The following TFCP2 variants were observed in gnomAD, a reference collection of about 807,000 sequenced individuals.
TFCP2 encodes the protein transcription factor CP2, also known as alpha-globin transcription factor CP2.
TFCP2 carries 33 observed loss-of-function variants against 73.4 expected under a neutral mutation model. That is an observed-to-expected ratio of 0.45 (90% CI 0.34 to 0.60). The LOEUF (loss-of-function observed/expected upper bound fraction) is 0.60. Ranked by LOEUF, TFCP2 falls within the 20% of genes least tolerant of loss-of-function variation. The pLI, the probability that TFCP2 is intolerant of heterozygous loss-of-function variation, is 0.01. For synonymous variants in TFCP2, 193 were observed against 211.6 expected, an observed-to-expected ratio of 0.91 and a Z score of 0.76; for missense variants, 352 against 604.0, an observed-to-expected ratio of 0.58 and a Z score of 4.37.
At chr12:51,114,584 G>A (rs1234693162) in intron 4 of TFCP2, among the ~76,000 whole-genome samples, 3 of 151,094 alleles carry the variant, frequency 2.0e-5, no homozygotes, top group Non-Finnish European at 3.0e-5. Context: ...CAGCCTGGGC[G>A]ACAGAGGGAG....
Position 51,104,158 on chromosome 12 carries a change from T to G in TFCP2, c.963A>C (p.Thr321=), listed in dbSNP as rs758826942. ...TGACATTCAACTTTAGACTTACATC[T>G]GTGACTGGAGGGGGTGGCTCTGGCT... ...NHQPEPPPPV[T]DNLLPTTTPQ... is the part of the protein sequence containing the mutation. Residue 321 remains threonine, a synonymous_variant, in exon 9 of 15, where the codon ACA becomes ACC. Coordinates refer to ENST00000257915, the MANE Select transcript of TFCP2 (RefSeq NM_005653.5). 5 of 1,613,956 alleles carry G rather than the reference T, an allele frequency of 3.1e-6. No individual in the cohort carries two copies. In the East Asian group the frequency reaches 1.1e-4, roughly 36 times the overall value.
Position 51,148,294 on chromosome 12 carries a change from A to G in TFCP2, c.122+24007T>C, listed in dbSNP as rs1040282913. Among the ~76,000 whole-genome samples the G allele has an allele frequency of 2.6e-5, 4 of 152,230 alleles. No individual in the cohort carries two copies. The East Asian group carries it at 7.7e-4, about 29-fold the overall frequency. ...CAATCCCACTGCTGGGTATCTACCCAGAGGAAAAGAAGTCATTATATGAAA... is the reference window on the plus strand; with the variant it reads ...CAATCCCACTGCTGGGTATCTACCCGGAGGAAAAGAAGTCATTATATGAAA... On this transcript the variant is annotated intron_variant, in intron 1 of 14. Coordinates refer to ENST00000257915, the MANE Select transcript of TFCP2 (RefSeq NM_005653.5).
intron 13 of TFCP2, 36 bp downstream of exon 13, chr12:51,098,740 C>T: frequency 6.2e-7 from 1 of 1,611,418 alleles, no homozygotes; most frequent in Non-Finnish European, 8.5e-7. Flanking sequence ...ACAAATTAAT[C>T]ATCATCTGGT....
At chr12:51,105,282 C>T (rs962011690) in intron 8 of TFCP2, among the ~76,000 whole-genome samples, 2 of 151,970 alleles carry the variant, frequency 1.3e-5, no homozygotes, top group East Asian at 1.9e-4. Flanking sequence ...TTAGTAGAGA[C>T]GGGGTTTCAC....
intron 3 of TFCP2, among the ~76,000 whole-genome samples, chr12:51,116,814 T>C (rs976964220): frequency 4.6e-5 from 7 of 152,048 alleles, no homozygotes; most frequent in African/African-American, 7.2e-5. Flanking sequence ...ACAGGGTTTC[T>C]CCATGTTGGT....
Position 51,094,182 on chromosome 12 carries a change from A to C in TFCP2, c.*1059T>G, listed in dbSNP as rs1939901979. The C allele has an allele frequency of 6.6e-6, 1 of 152,218 alleles. No individual in the cohort carries two copies. Among genetic ancestry groups the C allele is most frequent in the Non-Finnish European group, 1.5e-5 (1 of 68,036 alleles). 9.4% of individuals were successfully genotyped at this position (152,218 alleles called of 1,614,324 possible). On this transcript the variant is annotated 3_prime_UTR_variant, in exon 15 of 15. Coordinates refer to ENST00000257915, the MANE Select transcript of TFCP2 (RefSeq NM_005653.5). ...GCAGGGATGAGACTAACTCATTAAT[A>C]AATAGTTTGAGAATGTCATTCAAGA...
chr12:51,118,899 C>T, intron 1 of TFCP2, 127 bp from the exon 2 acceptor site: 3 of 1,077,926 alleles, frequency 2.8e-6, no homozygotes, highest in South Asian at 1.5e-5. Context: ...AGTTTCATCC[C>T]AAGAATTCCA....
intron 8 of TFCP2, among the ~76,000 whole-genome samples, chr12:51,105,857 CCTAA>C (rs1455678891): frequency 1.3e-5 from 2 of 152,140 alleles, no homozygotes; most frequent in African/African-American, 2.4e-5. Flanking sequence ...CATTTGGTAG[CCTAA>C]CTATTTCAAG....
chr12:51,159,446 C>A (rs1941605536), intron 1 of TFCP2, among the ~76,000 whole-genome samples: 1 of 151,818 alleles, frequency 6.6e-6, no homozygotes, highest in African/African-American at 2.4e-5. Context: ...TCAAGCGATT[C>A]TCATGCCTCA....
chr12:51,172,454 T>C lies in TFCP2; in HGVS notation c.-32A>G. 1.2e-6 allele frequency: 2 copies of C among 1,613,014 alleles called. No homozygotes were observed. The highest frequency in any genetic ancestry group is 1.7e-6 in the Non-Finnish European group (2 of 1,179,664). On this transcript the variant is annotated 5_prime_UTR_variant, in exon 1 of 15. Transcript: ENST00000257915. ...TCCTTCCTTGCCCCAGGAGACACCG[T>C]GTCTTGTACAAAGGCGCGGAGGGTA...
chr12:51,139,476 A>T (rs1941140305), intron 1 of TFCP2, among the ~76,000 whole-genome samples: 1 of 151,942 alleles, frequency 6.6e-6, no homozygotes, highest in African/African-American at 2.4e-5. Context: ...GGCCCAATCA[A>T]TCCACCCACC....
chr12:51,104,713 A>ATT (rs11308273), intron 8 of TFCP2, among the ~76,000 whole-genome samples: 4 of 140,702 alleles, frequency 2.8e-5, no homozygotes, highest in East Asian at 4.0e-4. Flanking sequence ...ATAAAAAACA[A>ATT]TTTTTTTTTT....
rs371398373 is a variant in TFCP2, at chr12:51,100,177, C to T, written c.1152-398G>A. On this transcript the variant is annotated intron_variant, in intron 11 of 14. Transcript: ENST00000257915. The stretch of plus-strand genomic sequence containing the variant: ...ACTCTATAGTCATTTGAGTTTGTGG[C>T]CTTTGGTGTAAAAGTTAGAAATAGT... Among the ~76,000 whole-genome samples the T allele has an allele frequency of 2.5e-4, 38 of 152,196 alleles. 2 individuals carry two copies. Among genetic ancestry groups the T allele is most frequent in the South Asian group, 2.1e-3 (10 of 4,824 alleles).
chr12:51,110,829 G>T (rs748218795), intron 5 of TFCP2, 48 bp downstream of exon 5: 2 of 1,270,572 alleles, frequency 1.6e-6, no homozygotes, highest in Admixed American at 1.7e-5. Flanking sequence ...TAAACTGATA[G>T]TAAGAGAGAT....
chr12:51,104,169 G>A lies in TFCP2; in HGVS notation c.952C>T (p.Pro318Ser). The change falls in exon 9 of 15, where the codon CCT becomes TCT. Residue 318 changes from proline (P) to serine (S), a missense_variant. By Grantham distance (74) the Pro-to-Ser change is moderately conservative. This residue lies in a region of TFCP2 where 194 missense variants were observed against 256.3 expected (regional missense o/e 0.76). Coordinates refer to ENST00000257915, the MANE Select transcript of TFCP2 (RefSeq NM_005653.5). Reference sequence around the variant, plus strand: ...TTTAGACTTACATCTGTGACTGGAGGGGGTGGCTCTGGCTGGTGGTTTGGT... The same window carrying A: ...TTTAGACTTACATCTGTGACTGGAGAGGGTGGCTCTGGCTGGTGGTTTGGT... ...GSPNHQPEPP[P>S]PVTDNLLPTT... is the part of the protein sequence containing the mutation. 1 of 1,614,072 alleles carries A rather than the reference G, an allele frequency of 6.2e-7. No homozygotes were observed. The highest frequency in any genetic ancestry group is 8.5e-7 in the Non-Finnish European group (1 of 1,179,984).
chr12:51,095,958 G>C (rs1027227315), intron 14 of TFCP2, 31 bp downstream of exon 14: 12 of 1,598,104 alleles, frequency 7.5e-6, no homozygotes, highest in Non-Finnish European at 1.0e-5. Context: ...CTGTTAAACT[G>C]CTTAGAGAAA....
intron 1 of TFCP2, among the ~76,000 whole-genome samples, chr12:51,158,000 ATAATCT>A (rs989164221): frequency 2.2e-4 from 34 of 151,264 alleles, no homozygotes; most frequent in African/African-American, 6.5e-4. Context: ...TTTTTCCACT[ATAATCT>A]TAATTTTTTT....
intron 1 of TFCP2, among the ~76,000 whole-genome samples, chr12:51,127,038 T>C (rs539085422): frequency 9.3e-4 from 141 of 152,294 alleles, no homozygotes; most frequent in African/African-American, 3.3e-3. Context: ...GCAGCATATA[T>C]GATTTTTAAA....
chr12:51,105,980 A>C (rs1305287026), intron 8 of TFCP2, among the ~76,000 whole-genome samples: 1 of 152,248 alleles, frequency 6.6e-6, no homozygotes, highest in Non-Finnish European at 1.5e-5. Flanking sequence ...TCTTATGGTA[A>C]AAGATAATAA....
Sources: gnomAD v4.1 joint callset for allele counts (sites outside exome capture counted in the v4.1 genomes callset) on GRCh38, gnomAD v4.1.1 for gene constraint, gnomAD v4.1.1 regional missense constraint, MANE v1.5 for transcripts, NCBI Gene and HGNC (gene_info 2026-07-23, HGNC 2026-07-21) for gene names.